The following USP34 variants were observed in gnomAD, a reference collection of about 807,000 sequenced individuals.
USP34 encodes the protein ubiquitin specific peptidase 34.
USP34 carries 70 observed loss-of-function variants against 460.3 expected under a neutral mutation model. That is an observed-to-expected ratio of 0.15 (90% CI 0.13 to 0.19). USP34 has a LOEUF of 0.19. USP34 is among the 10% of genes least tolerant of loss of function. USP34 has a pLI of 1.00. For missense variants in USP34, 3,985 were observed against 4,236.2 expected (o/e 0.94, Z 1.65); for synonymous variants, 1,647 against 1,405.3 (o/e 1.17, Z -3.85).
chr2:61,403,959 CT>C (rs2103929165), intron 3 of USP34, among the ~76,000 whole-genome samples: 1 of 136,266 alleles, frequency 7.3e-6, no homozygotes, highest in East Asian at 2.2e-4. Flanking sequence ...CACCACTGCA[CT>C]CCAGCCTGGG....
intron 1 of USP34, among the ~76,000 whole-genome samples, chr2:61,454,860 T>G (rs969895054): frequency 4.7e-4 from 35 of 74,232 alleles, no homozygotes; most frequent in East Asian, 2.3e-3. Context: ...TATAGTGGGG[T>G]TTTTTTTTTC....
At chr2:61,423,285 T>C (rs1489411353) in intron 1 of USP34, among the ~76,000 whole-genome samples, 1 of 152,094 alleles carries the variant, frequency 6.6e-6, no homozygotes, top group African/African-American at 2.4e-5. Flanking sequence ...GGCTAGTTTT[T>C]GTATTTTGTA....
intron 67 of USP34, among the ~76,000 whole-genome samples, chr2:61,218,572 G>A (rs1687469904): frequency 6.6e-6 from 1 of 151,516 alleles, no homozygotes; most frequent in African/African-American, 2.4e-5. Context: ...TTGCCCTAAT[G>A]TCCTTTTTTT....
chr2:61,261,796 T>A lies in USP34; in HGVS notation c.5779-2020A>T, dbSNP rs542382449. On this transcript the variant is annotated intron_variant, in intron 43 of 79. Transcript: ENST00000398571. ...CACTTGACTAGAGTACTTGCCAGAA[T>A]CATATCAAATTCTGTTAAGAATTTT... Among the ~76,000 whole-genome samples, 13 of 152,108 alleles carry A rather than the reference T, an allele frequency of 8.5e-5. No homozygotes were observed. The South Asian group carries it at 2.5e-3, about 29-fold the overall frequency.
At chr2:61,268,320 G>T (rs905429765) in intron 41 of USP34, among the ~76,000 whole-genome samples, 4 of 151,302 alleles carry the variant, frequency 2.6e-5, no homozygotes, top group African/African-American at 7.3e-5. Flanking sequence ...CCCCAATGTT[G>T]GAGGTGAGGT....
Position 61,266,042 on chromosome 2 carries a change from C to G in USP34, c.5559G>C (p.Lys1853Asn), listed in dbSNP as rs1214988118. The change falls in exon 42 of 80, where the codon AAG becomes AAC. Residue 1853 changes from lysine to asparagine, a missense_variant. Around this residue, in one of 14 missense-constraint regions of USP34, gnomAD observed 1,114 missense variants for 1,122.5 expected, o/e 0.99. Transcript: ENST00000398571. ...TTAGCCTGTAGTTCTCAACAGACCC[C>G]TTTACCATCTCTACTAACAAATCGT... ...AAYDLLVEMV[K>N]GSVENYRLIH... 1 of 1,613,936 alleles carries G rather than the reference C, an allele frequency of 6.2e-7. No homozygotes were observed. The highest frequency in any genetic ancestry group is 8.5e-7 in the Non-Finnish European group (1 of 1,179,870).
intron 67 of USP34, among the ~76,000 whole-genome samples, chr2:61,216,687 G>A (rs187227735): frequency 7.2e-5 from 11 of 152,188 alleles, no homozygotes; most frequent in African/African-American, 2.2e-4. Context: ...GAGAGGCCAA[G>A]GCGGGCAGAT....
intron 49 of USP34, among the ~76,000 whole-genome samples, chr2:61,247,785 A>C (rs1320684862): frequency 6.6e-6 from 1 of 152,226 alleles, no homozygotes; most frequent in Non-Finnish European, 1.5e-5. Flanking sequence ...CTACTGGTCC[A>C]TGTCCTACAA....
intron 75 of USP34, among the ~76,000 whole-genome samples, chr2:61,197,597 T>C (rs767871576): frequency 6.6e-6 from 1 of 151,286 alleles, no homozygotes; most frequent in Admixed American, 6.6e-5. Context: ...GTTTACTTAA[T>C]ACTTACTTTC....
chr2:61,240,058 T>A (rs548378120), intron 53 of USP34, among the ~76,000 whole-genome samples: 321 of 145,062 alleles, frequency 2.2e-3, no homozygotes, highest in Non-Finnish European at 3.1e-3. Flanking sequence ...AAAAAAAAAA[T>A]TTTTTTTTTA....
At chr2:61,362,374 T>C (rs1261585689) in intron 10 of USP34, among the ~76,000 whole-genome samples, 2 of 152,178 alleles carry the variant, frequency 1.3e-5, no homozygotes, top group African/African-American at 4.8e-5. Context: ...ACTGCAGTAT[T>C]ATTCCCAAGA....
intron 1 of USP34, among the ~76,000 whole-genome samples, chr2:61,453,340 GA>G (rs1363413705): frequency 6.6e-6 from 1 of 151,958 alleles, no homozygotes; most frequent in Non-Finnish European, 1.5e-5. Context: ...CTTAAGCCTG[GA>G]AAGTAGCGTT....
chr2:61,445,611 A>T (rs1023139794), intron 1 of USP34, among the ~76,000 whole-genome samples: 22 of 151,984 alleles, frequency 1.4e-4, no homozygotes, highest in African/African-American at 5.1e-4. Context: ...GAAGAGCAAC[A>T]GAAAGAGTAA....
chr2:61,300,515 G>C (rs1439376435), intron 29 of USP34, among the ~76,000 whole-genome samples: 1 of 150,206 alleles, frequency 6.7e-6, no homozygotes, highest in African/African-American at 2.4e-5. Context: ...AGATTACTGA[G>C]GGCCAGGCAC....
chr2:61,229,413 C>T (rs922521718), intron 59 of USP34, 135 bp downstream of exon 59: 11 of 553,550 alleles, frequency 2.0e-5, no homozygotes, highest in African/African-American at 8.9e-5. Context: ...TTTGAACTTA[C>T]GAGTTTGAGA....
At chr2:61,453,902 CAGATACTTGTATT>C (rs1429836909) in intron 1 of USP34, among the ~76,000 whole-genome samples, 1 of 151,842 alleles carries the variant, frequency 6.6e-6, no homozygotes, top group Non-Finnish European at 1.5e-5. Flanking sequence ...ATTCTGTTCT[CAGATACTTGTATT>C]TTGGGTAGAA....
At chr2:61,369,541 C>T (rs192858538) in intron 10 of USP34, among the ~76,000 whole-genome samples, 3 of 147,446 alleles carry the variant, frequency 2.0e-5, no homozygotes, top group Admixed American at 7.0e-5. Context: ...TATTCAGGAG[C>T]GTGAGGCAGG....
At chr2:61,398,828 T>G (rs1693622849) in intron 3 of USP34, among the ~76,000 whole-genome samples, 1 of 152,156 alleles carries the variant, frequency 6.6e-6, no homozygotes, top group Admixed American at 6.5e-5. Context: ...AAAATGTCCT[T>G]AGAGAAATGA....
rs1411767083 is a variant in USP34 at position 61,245,255 on chromosome 2, A to G, written c.6582T>C (p.Phe2194=). The G allele has an allele frequency of 1.2e-6, 2 of 1,610,216 alleles. No homozygotes were observed. The highest frequency in any genetic ancestry group is 1.7e-5 in the Admixed American group (1 of 59,674). Residue 2194 remains phenylalanine, a synonymous_variant, in exon 51 of 80, where the codon TTT becomes TTC. Transcript: ENST00000398571. Reference sequence around the variant, plus strand: ...ATTCAGATGCAAGTTGAGCAGAATCAAAAGGTTTTACCTCAGCATCATTAA... The same window carrying G: ...ATTCAGATGCAAGTTGAGCAGAATCGAAAGGTTTTACCTCAGCATCATTAA... ...YLFNDAEVKP[F]DSAQLASECF...
Sources: gnomAD v4.1 joint callset for allele counts (sites outside exome capture counted in the v4.1 genomes callset) on GRCh38, gnomAD v4.1.1 for gene constraint, gnomAD v4.1.1 regional missense constraint, MANE v1.5 for transcripts, NCBI Gene and HGNC (gene_info 2026-07-23, HGNC 2026-07-21) for gene names.